The following MIPEP variants were observed in gnomAD, a reference collection of about 807,000 sequenced individuals.
MIPEP encodes mitochondrial intermediate peptidase.
A neutral mutation model predicts 90.3 loss-of-function variants in MIPEP; 79 were observed. The ratio of observed to expected loss-of-function variants is 0.87; its 90% CI spans 0.73 to 1.05. The LOEUF is 1.05. Ranked by LOEUF, MIPEP falls within the 50% of genes least tolerant of loss-of-function variation. The probability of loss-of-function intolerance (pLI) is 0.00; values close to 1 mark genes in which losing one functional copy is unlikely to be tolerated. For synonymous variants in MIPEP, 334 were observed against 315.8 expected, an observed-to-expected ratio of 1.06 and a Z score of -0.61; for missense variants, 940 against 905.6, an observed-to-expected ratio of 1.04 and a Z score of -0.49.
intron 9 of MIPEP, 99 bp downstream of exon 9, chr13:23,862,203 G>C: frequency 2.8e-6 from 2 of 720,540 alleles, no homozygotes; most frequent in Non-Finnish European, 4.8e-6. Flanking sequence ...AAGACTAAAT[G>C]GACCTGTAGC....
intron 16 of MIPEP, among the ~76,000 whole-genome samples, chr13:23,792,155 A>ATTG (rs1456498368): frequency 4.6e-5 from 7 of 151,846 alleles, no homozygotes; most frequent in Non-Finnish European, 5.9e-5. Context: ...TTTTAGACAG[A>ATTG]TTGTTCCCAT....
intron 2 of MIPEP, among the ~76,000 whole-genome samples, chr13:23,882,631 A>C (rs1871316302): frequency 6.7e-6 from 1 of 149,392 alleles, no homozygotes; most frequent in Non-Finnish European, 1.5e-5. Flanking sequence ...AACTGTAACA[A>C]AAAGCAGAGA....
At chr13:23,758,986 T>C (rs1179813117) in intron 17 of MIPEP, among the ~76,000 whole-genome samples, 1 of 152,218 alleles carries the variant, frequency 6.6e-6, no homozygotes, top group Non-Finnish European at 1.5e-5. Context: ...GTGAAAACTC[T>C]AGGACACTCT....
intron 4 of MIPEP, among the ~76,000 whole-genome samples, chr13:23,877,565 T>C (rs1040100805): frequency 2.6e-5 from 4 of 152,200 alleles, no homozygotes; most frequent in Admixed American, 6.5e-5. Context: ...GGGAAATACA[T>C]TGATACATCA....
chr13:23,848,040 T>C (rs1470998713), intron 10 of MIPEP, among the ~76,000 whole-genome samples: 1 of 152,216 alleles, frequency 6.6e-6, no homozygotes, highest in Non-Finnish European at 1.5e-5. Flanking sequence ...CAATCTGGAA[T>C]ACAAGAAAGA....
intron 10 of MIPEP, 99 bp from the exon 11 acceptor site, chr13:23,841,587 C>A: frequency 7.8e-7 from 1 of 1,277,678 alleles, no homozygotes; most frequent in Non-Finnish European, 1.1e-6. Context: ...ATCACTGGAG[C>A]TAAAGAAGGA....
intron 5 of MIPEP, among the ~76,000 whole-genome samples, chr13:23,870,909 C>T (rs1017171341): frequency 1.8e-4 from 27 of 152,188 alleles, no homozygotes; most frequent in African/African-American, 6.0e-4. Context: ...TGGTAGCACA[C>T]GCCTGCAGTC....
At chr13:23,744,137 T>C (rs572151236) in intron 18 of MIPEP, among the ~76,000 whole-genome samples, 1 of 152,366 alleles carries the variant, frequency 6.6e-6, no homozygotes, top group East Asian at 1.9e-4. Context: ...CTTTGTACGC[T>C]GTGCGTTCAT....
At chr13:23,863,139 C>G (rs1435536158) in intron 8 of MIPEP, among the ~76,000 whole-genome samples, 1 of 152,168 alleles carries the variant, frequency 6.6e-6, no homozygotes, top group African/African-American at 2.4e-5. Context: ...GTAGCCACAA[C>G]AGGCAAACAA....
chr13:23,884,804 C>T (rs150708996), intron 2 of MIPEP, among the ~76,000 whole-genome samples: 1 of 152,212 alleles, frequency 6.6e-6, no homozygotes, highest in South Asian at 2.1e-4. Context: ...GTCTGGCACA[C>T]AGTACGTGCT....
In MIPEP at chr13:23,804,999, C is replaced by T. The variant is rs6490826; in HGVS notation, c.1848+951G>A. Among the ~76,000 whole-genome samples the T allele has an allele frequency of 7.9e-5, 12 of 152,050 alleles. No homozygotes were observed. The Middle Eastern group carries it at 0.017, about 215-fold the overall frequency. On this transcript the variant is annotated intron_variant, in intron 16 of 18. Coordinates refer to ENST00000382172, the MANE Select transcript of MIPEP (RefSeq NM_005932.4). ...GAATGAAAGGAACCCAGAAAAACAC[C>T]GAGCTGAGAGGCAGAAAGAGAGAGA...
chr13:23,734,591 C>A lies in MIPEP; in HGVS notation c.2045-4146G>T, dbSNP rs370550506. 2.6e-5 allele frequency among the ~76,000 whole-genome samples: 4 copies of A among 152,238 alleles called. No homozygotes were observed. In the East Asian group the frequency reaches 7.7e-4, roughly 29 times the overall value. On this transcript the variant is annotated intron_variant, in intron 18 of 18. Transcript: ENST00000382172. ...TGGAAGCTCTGAGTTTATCTTGGGA[C>A]CTCAAGAGGAGAGGATCACCCAACT...
At chr13:23,821,633 A>G (rs1953305892) in intron 14 of MIPEP, among the ~76,000 whole-genome samples, 1 of 152,298 alleles carries the variant, frequency 6.6e-6, no homozygotes, top group South Asian at 2.1e-4. Context: ...CCAGAAAAGG[A>G]ATGTACAACC....
At chr13:23,807,314 G>A (rs1953122028) in intron 15 of MIPEP, among the ~76,000 whole-genome samples, 1 of 152,150 alleles carries the variant, frequency 6.6e-6, no homozygotes, top group African/African-American at 2.4e-5. Context: ...CTTCATGCAG[G>A]CAAGTAGAAA....
intron 10 of MIPEP, among the ~76,000 whole-genome samples, chr13:23,843,452 A>G (rs1000603113): frequency 7.2e-5 from 11 of 152,206 alleles, no homozygotes; most frequent in African/African-American, 2.7e-4. Flanking sequence ...TCAACCTTCT[A>G]TTAGTACACT....
At position 23,858,919 on chromosome 13, in the gene MIPEP, TG is replaced by T. The variant is rs775366529; in HGVS notation, c.1054-8del. 1 of 1,612,042 alleles carries T rather than the reference TG, an allele frequency of 6.2e-7. No individual in the cohort carries two copies. The highest frequency in any genetic ancestry group is 8.5e-7 in the Non-Finnish European group (1 of 1,178,420). On this transcript the variant is annotated splice_region_variant and splice_polypyrimidine_tract_variant and intron_variant, in intron 9 of 18. Transcript: ENST00000382172. The stretch of plus-strand genomic sequence containing the variant: ...GGTCCCAGGGCATTACTTCCTACAA[TG>T]GAATAATTCACTGTTAAGGAAAGCT...
intron 16 of MIPEP, among the ~76,000 whole-genome samples, chr13:23,798,202 T>C (rs753266436): frequency 2.2e-4 from 34 of 152,256 alleles, no homozygotes; most frequent in Non-Finnish European, 4.4e-4. Flanking sequence ...TAGTTTTCTT[T>C]ATGCTAAAAA....
rs202010897 is a variant in MIPEP at position 23,845,972 on chromosome 13, T to TG, written c.1107-4485dup. On this transcript the variant is annotated intron_variant, in intron 10 of 18. Transcript: ENST00000382172. ...CATGCTCTATCACCCAGGCGTGCAG[T>TG]GGCATGATCTCAGCTCACTGCAACC... Among the ~76,000 whole-genome samples, 630 of 151,966 alleles carry TG rather than the reference T, an allele frequency of 4.1e-3. 2 individuals are homozygous for TG. Among genetic ancestry groups the TG allele is most frequent in the African/African-American group, 0.015 (604 of 41,426 alleles).
intron 7 of MIPEP, among the ~76,000 whole-genome samples, chr13:23,868,967 T>A (rs1431052960): frequency 6.6e-6 from 1 of 152,198 alleles, no homozygotes; most frequent in East Asian, 1.9e-4. Context: ...TCTTTCATTC[T>A]CTTACACTAA....
Sources: allele counts gnomAD v4.1 joint callset (sites outside exome capture counted in the v4.1 genomes callset), GRCh38; gene constraint gnomAD v4.1.1; transcripts MANE v1.5; gene names NCBI Gene and HGNC (gene_info 2026-07-23, HGNC 2026-07-21).